ARHGAP23: variants seen among roughly 807,000 people sequenced by gnomAD.
The protein encoded by ARHGAP23 is rho GTPase-activating protein 23.
ARHGAP23 carries 34 observed loss-of-function variants against 136.3 expected under a neutral mutation model. That is an observed-to-expected ratio of 0.25 (90% CI 0.19 to 0.33). ARHGAP23 has a LOEUF of 0.33. Among genes scored for constraint, ARHGAP23 ranks in the 10% least tolerant of loss-of-function variants. The pLI, the probability that ARHGAP23 is intolerant of heterozygous loss-of-function variation, is 1.00. For synonymous variants in ARHGAP23, 832 were observed against 920.5 expected, an observed-to-expected ratio of 0.90 and a Z score of 1.74; for missense variants, 1,808 against 2,139.0, an observed-to-expected ratio of 0.85 and a Z score of 3.05.
rs1266976053 is a variant in ARHGAP23, at chr17:38,466,846, G to A, written c.1163G>A (p.Arg388His). The A allele has an allele frequency of 7.1e-6, 11 of 1,548,462 alleles. No individual in the cohort carries two copies. Among genetic ancestry groups the A allele is most frequent in the South Asian group, 4.8e-5 (4 of 83,994 alleles). Residue 388 changes from arginine to histidine, a missense_variant, in exon 7 of 24, where the codon CGC (arginine) becomes CAC (histidine). Arg to His is a conservative substitution (Grantham distance 29). Transcript: ENST00000622683. ...CGWASQRSSA[R>H]TPACPTRDLP... ...TGGGCTTCCCAGCGTTCGTCTGCCC[G>A]CACCCCCGCCTGCCCAACTCGGGAC...
chr17:38,477,216 T>C lies in ARHGAP23; in HGVS notation c.2119-363T>C, dbSNP rs2039913454. Among the ~76,000 whole-genome samples the C allele has an allele frequency of 6.6e-6, 1 of 151,284 alleles. No individual in the cohort carries two copies. On this transcript the variant is annotated intron_variant, in intron 11 of 23. Coordinates refer to ENST00000622683, the MANE Select transcript of ARHGAP23 (RefSeq NM_001199417.2). This position sits in a 1 kb window ranked among gnomAD's most constrained non-coding sequence, Gnocchi z 6.6. ...AGGTTTGCTGGGATGAGGGGCAGCC[T>C]GGGGAGGGGCGTGGGCTGGGAATGG... is the stretch of plus-strand genomic sequence containing the variant.
chr17:38,494,559 GAC>G (rs148184687), intron 20 of ARHGAP23, among the ~76,000 whole-genome samples: 4,598 of 150,872 alleles, frequency 0.03, 94 homozygotes, highest in South Asian at 0.062. Flanking sequence ...GTGAGACCCT[GAC>G]ACACACACAC....
intron 1 of ARHGAP23, among the ~76,000 whole-genome samples, chr17:38,444,640 T>C (rs1011532629): frequency 3.3e-5 from 5 of 152,066 alleles, no homozygotes; most frequent in Admixed American, 6.6e-5. Flanking sequence ...GCGATCCCCC[T>C]GTGCGGGGAC....
upstream of ARHGAP23, among the ~76,000 whole-genome samples, chr17:38,427,105 G>A (rs2038581528): frequency 6.6e-6 from 1 of 152,230 alleles, no homozygotes; most frequent in East Asian, 1.9e-4. Flanking sequence ...ATAAGCTGGA[G>A]GAAGTAAGAA....
At position 38,510,214 on chromosome 17, in the gene ARHGAP23, G is replaced by A; in HGVS notation, c.3718G>A (p.Ala1240Thr). 1.5e-6 allele frequency: 2 copies of A among 1,373,346 alleles called. No homozygotes were observed. Among genetic ancestry groups the A allele is most frequent in the Non-Finnish European group, 1.9e-6 (2 of 1,063,508 alleles). 85.1% of individuals were successfully genotyped at this position (1,373,346 alleles called of 1,614,324 possible). A position where few individuals can be genotyped will look rare whatever the true frequency, so the allele number is the denominator to read the frequency against. The change falls in exon 24 of 24, where the codon GCC becomes ACC. Residue 1240 changes from alanine to threonine, a missense_variant. Physicochemically the swap from Ala to Thr is moderately conservative, Grantham distance 58. This residue lies in a region of ARHGAP23 where 506 missense variants were observed against 455.8 expected (regional missense o/e 1.11). Coordinates refer to ENST00000622683, the MANE Select transcript of ARHGAP23 (RefSeq NM_001199417.2). The surrounding 1 kb of genome is among the most constrained non-coding windows in gnomAD (Gnocchi z 4.6). ...CCCGGCGGCGCCGGAGGAGCGGCCG[G>A]CCGCGGACACGCGCTCCATTGTGTC... ...SPPAAPEERP[A>T]ADTRSIVSGY...
chr17:38,489,889 G>A, intron 17 of ARHGAP23: 1 of 580,826 alleles, frequency 1.7e-6, no homozygotes, highest in Non-Finnish European at 3.1e-6. Flanking sequence ...GGCTACCCCA[G>A]GTCAGGTGCA....
intron 1 of ARHGAP23, among the ~76,000 whole-genome samples, chr17:38,454,625 C>A (rs8066339): frequency 0.086 from 13,055 of 152,150 alleles, 884 homozygotes; most frequent in East Asian, 0.32. Flanking sequence ...CAGACGGGCC[C>A]CTGCAGGTAG....
At chr17:38,499,176 C>T (rs1361703266) in intron 22 of ARHGAP23, among the ~76,000 whole-genome samples, 1 of 152,212 alleles carries the variant, frequency 6.6e-6, no homozygotes, top group Non-Finnish European at 1.5e-5. Flanking sequence ...AGGGCCCTCC[C>T]CGTTGCCTGG....
In ARHGAP23 at chr17:38,453,242, TG is replaced by T. The variant is rs1268444608; in HGVS notation, c.64-4859del. On this transcript the variant is annotated intron_variant, in intron 1 of 23. Coordinates refer to ENST00000622683, the MANE Select transcript of ARHGAP23 (RefSeq NM_001199417.2). Reference sequence around the variant, plus strand: ...ACGATGTGGAAGAGTGTCCTGTGTGTGTGGGGGGGATAGTGTGTTTCTGGGG... The same window carrying T: ...ACGATGTGGAAGAGTGTCCTGTGTGTTGGGGGGGATAGTGTGTTTCTGGGG... Among the ~76,000 whole-genome samples the T allele has an allele frequency of 3.3e-5, 5 of 150,258 alleles. No individual in the cohort carries two copies. In the East Asian group the frequency reaches 5.9e-4, roughly 18 times the overall value.
chr17:38,431,008 A>G (rs1344021026), intron 1 of ARHGAP23, among the ~76,000 whole-genome samples: 2 of 152,166 alleles, frequency 1.3e-5, no homozygotes, highest in South Asian at 4.2e-4. Flanking sequence ...AGTTGAGGAC[A>G]CTGAGGCATA....
intron 23 of ARHGAP23, among the ~76,000 whole-genome samples, chr17:38,502,114 G>T (rs1303505559): frequency 1.3e-5 from 2 of 152,128 alleles, no homozygotes; most frequent in Non-Finnish European, 2.9e-5. Context: ...GACCAGCCTG[G>T]CCAACATGGT....
chr17:38,477,235 G>C lies in ARHGAP23; in HGVS notation c.2119-344G>C, dbSNP rs553142127. On this transcript the variant is annotated intron_variant, in intron 11 of 23. Transcript: ENST00000622683. This position sits in a 1 kb window ranked among gnomAD's most constrained non-coding sequence, Gnocchi z 6.6. ...GCAGCCTGGGGAGGGGCGTGGGCTG[G>C]GAATGGCATCCCCAGGATTTCATGT... is the stretch of plus-strand genomic sequence containing the variant. Among the ~76,000 whole-genome samples, 1 of 152,068 alleles carries C rather than the reference G, an allele frequency of 6.6e-6. No individual in the cohort carries two copies. The highest frequency in any genetic ancestry group is 1.5e-5 in the Non-Finnish European group (1 of 68,010).
upstream of ARHGAP23, among the ~76,000 whole-genome samples, chr17:38,424,558 G>A (rs1220787687): frequency 2.0e-5 from 3 of 152,038 alleles, no homozygotes; most frequent in African/African-American, 7.3e-5. Flanking sequence ...CCCAAGCCAG[G>A]GTTCCTCTCA....
At chr17:38,463,530 G>A (rs560214706) in intron 6 of ARHGAP23, 148 bp downstream of exon 6, 2 of 989,740 alleles carry the variant, frequency 2.0e-6, no homozygotes, top group Non-Finnish European at 3.0e-6. Context: ...GCTGGGGCTG[G>A]TTGTTGCTTC....
intron 19 of ARHGAP23, 133 bp from the exon 20 acceptor site, chr17:38,491,274 C>G: frequency 8.3e-7 from 1 of 1,205,796 alleles, no homozygotes; most frequent in Non-Finnish European, 1.2e-6. Context: ...ATCTCCATGC[C>G]CATACAAGGG....
chr17:38,465,161 C>T lies in ARHGAP23; in HGVS notation c.484-1006C>T, dbSNP rs563380943. Among the ~76,000 whole-genome samples, 15 of 149,504 alleles carry T rather than the reference C, an allele frequency of 1.0e-4. No individual in the cohort carries two copies. In the East Asian group the frequency reaches 1.6e-3, roughly 16 times the overall value. On this transcript the variant is annotated intron_variant, in intron 6 of 23. Coordinates refer to ENST00000622683, the MANE Select transcript of ARHGAP23 (RefSeq NM_001199417.2). ...TGATGATGCCGGGAGCCTGGGGAGA[C>T]GGCGGGATGGCAGGAGGGAGAGGTA...
chr17:38,504,839 G>A (rs1048555250), intron 23 of ARHGAP23, among the ~76,000 whole-genome samples: 4 of 152,082 alleles, frequency 2.6e-5, no homozygotes, highest in Admixed American at 1.3e-4. Flanking sequence ...CCAAGTTACA[G>A]CCACATTCTG....
At chr17:38,459,723 A>G (rs35513223) in intron 2 of ARHGAP23, among the ~76,000 whole-genome samples, 47,742 of 152,122 alleles carry the variant, frequency 0.31, 8,138 homozygotes, top group East Asian at 0.42. Flanking sequence ...GCCTGGAGGC[A>G]GGAGGAGGCT....
chr17:38,484,497 G>A (rs2040117782), intron 16 of ARHGAP23, among the ~76,000 whole-genome samples: 2 of 152,174 alleles, frequency 1.3e-5, no homozygotes, highest in African/African-American at 4.8e-5. Flanking sequence ...GTGGGCCGCA[G>A]AACAGCAGGG....
Sources: gnomAD v4.1 joint callset for allele counts (sites outside exome capture counted in the v4.1 genomes callset) on GRCh38, gnomAD v4.1.1 for gene constraint, gnomAD v4.1.1 regional missense constraint, Gnocchi (gnomAD v3.1) non-coding constraint, MANE v1.5 for transcripts, NCBI Gene and HGNC (gene_info 2026-07-23, HGNC 2026-07-21) for gene names.